The following NAA16 variants were observed in gnomAD, a reference collection of about 807,000 sequenced individuals.
NAA16 encodes NARG1-like protein.
A neutral mutation model predicts 110.3 loss-of-function variants in NAA16; 97 were observed. That is an observed-to-expected ratio of 0.88 (90% CI 0.75 to 1.04). The LOEUF is 1.04. NAA16 is among the 50% of genes least tolerant of loss of function. The pLI is 0.00. For missense variants in NAA16, 1,017 were observed against 1,005.1 expected (o/e 1.01, Z -0.16); for synonymous variants, 372 against 330.6 (o/e 1.13, Z -1.36).
intron 8 of NAA16, among the ~76,000 whole-genome samples, chr13:41,336,162 TA>T (rs140758616): frequency 0.075 from 11,265 of 150,900 alleles, 1,372 homozygotes; most frequent in African/African-American, 0.26. Flanking sequence ...AAGTTCTATT[TA>T]AAAAAAAATT....
intron 14 of NAA16, among the ~76,000 whole-genome samples, chr13:41,367,963 C>G (rs757951156): frequency 1.3e-5 from 2 of 152,026 alleles, no homozygotes; most frequent in African/African-American, 2.4e-5. Context: ...TTTGGGAGGC[C>G]AAGGCAGGCA....
chr13:41,359,001 T>G (rs1208040004), intron 12 of NAA16, 39 bp downstream of exon 12: 1 of 1,504,072 alleles, frequency 6.6e-7, no homozygotes, highest in Non-Finnish European at 9.0e-7. Flanking sequence ...TTGTCTAAAT[T>G]AAGACAGTTT....
intron 3 of NAA16, among the ~76,000 whole-genome samples, chr13:41,320,193 A>G (rs2139377071): frequency 6.6e-6 from 1 of 152,156 alleles, no homozygotes; most frequent in East Asian, 1.9e-4. Flanking sequence ...GAAGTAGGTG[A>G]TAGTTACACA....
Position 41,331,299 on chromosome 13 carries a change from T to C in NAA16, c.837T>C (p.Ile279=). 2 of 1,609,666 alleles carry C rather than the reference T, an allele frequency of 1.2e-6. No individual in the cohort carries two copies. The highest frequency in any genetic ancestry group is 1.7e-6 in the Non-Finnish European group (2 of 1,177,320). The change falls in exon 8 of 20, where the codon ATT becomes ATC. Residue 279 remains isoleucine, a synonymous_variant. Coordinates refer to ENST00000379406, the MANE Select transcript of NAA16 (RefSeq NM_024561.5). ...GCACTTTAGAAGAGAGGCTTCAAAT[T>C]TATGAAGAAATTAGTAAGCAGCACC... The part of the protein sequence containing the change: ...QISTLEERLQ[I]YEEISKQHPK...
At chr13:41,331,864 C>T (rs1373640169) in intron 8 of NAA16, among the ~76,000 whole-genome samples, 4 of 152,070 alleles carry the variant, frequency 2.6e-5, no homozygotes, top group Non-Finnish European at 4.4e-5. Context: ...CTGACTTGAT[C>T]GTTACACGTT....
chr13:41,362,633 C>T (rs2043136073), intron 13 of NAA16: 1 of 1,102,264 alleles, frequency 9.1e-7, no homozygotes, highest in South Asian at 1.3e-5. Flanking sequence ...TATTTTATTG[C>T]TTGCTTTTAG....
In NAA16 at chr13:41,365,180, T is replaced by G. The variant is rs564093947; in HGVS notation, c.1540-2259T>G. Among the ~76,000 whole-genome samples, 5 of 152,270 alleles carry G rather than the reference T, an allele frequency of 3.3e-5. No homozygotes were observed. In the South Asian group the frequency reaches 6.2e-4, roughly 19 times the overall value. On this transcript the variant is annotated intron_variant, in intron 13 of 19. Transcript: ENST00000379406. ...TATCTGTTGGTGTTGTGTAGCATAT[T>G]TTTGTGTTTTACAAATTTAGAGACT...
At chr13:41,319,821 A>C (rs2041902545) in intron 3 of NAA16, among the ~76,000 whole-genome samples, 1 of 152,134 alleles carries the variant, frequency 6.6e-6, no homozygotes, top group African/African-American at 2.4e-5. Context: ...CTGGCCAAAA[A>C]AAAATTTTTT....
intron 9 of NAA16, among the ~76,000 whole-genome samples, chr13:41,344,841 T>A (rs2042639810): frequency 6.6e-6 from 1 of 152,220 alleles, no homozygotes; most frequent in South Asian, 2.1e-4. Context: ...TAATGTTTTG[T>A]CATCCCCCAA....
At chr13:41,362,856 C>T in intron 13 of NAA16, 1 of 1,283,346 alleles carries the variant, frequency 7.8e-7, no homozygotes, top group East Asian at 5.6e-5. Flanking sequence ...AGTATAGAAC[C>T]ACAGGCATCG....
rs373163496 is a variant in NAA16, at chr13:41,373,762, C to T, written c.2281C>T (p.Leu761Phe). Reference sequence around the variant, plus strand: ...TTTTCTGAAACGTAACGCTACCTCTCTTCAGCATCTACTTTCAGGTTTGTT... The same window carrying T: ...TTTTCTGAAACGTAACGCTACCTCTTTTCAGCATCTACTTTCAGGTTTGTT... ...EDFLKRNATS[L>F]QHLLSGAKMM... Residue 761 changes from leucine (L) to phenylalanine (F), a missense_variant, in exon 18 of 20, where the codon CTT (leucine) becomes TTT (phenylalanine). Coordinates refer to ENST00000379406, the MANE Select transcript of NAA16 (RefSeq NM_024561.5). 2.6e-5 allele frequency: 41 copies of T among 1,601,238 alleles called. No individual in the cohort carries two copies. Among genetic ancestry groups the T allele is most frequent in the Non-Finnish European group, 3.5e-5 (41 of 1,176,204 alleles).
rs749834347 is a variant in NAA16 at position 41,362,108 on chromosome 13, G to C, written c.1488G>C (p.Gln496His). ...WFQTECISAY[Q>H]RLGRYGDALK... Reference sequence around the variant, plus strand: ...AGACAGAATGCATTTCAGCTTATCAGCGTCTGGGGAGATACGGGGATGCCT... The same window carrying C: ...AGACAGAATGCATTTCAGCTTATCACCGTCTGGGGAGATACGGGGATGCCT... Residue 496 changes from glutamine (Q) to histidine (H), a missense_variant, in exon 13 of 20, where the codon CAG (glutamine) becomes CAC (histidine). By Grantham distance (24) the Gln-to-His change is conservative. Coordinates refer to ENST00000379406, the MANE Select transcript of NAA16 (RefSeq NM_024561.5). 1 of 1,609,148 alleles carries C rather than the reference G, an allele frequency of 6.2e-7. No individual in the cohort carries two copies. The highest frequency in any genetic ancestry group is 2.2e-5 in the East Asian group (1 of 44,526).
chr13:41,361,418 G>A (rs930168831), intron 12 of NAA16, among the ~76,000 whole-genome samples: 2 of 152,206 alleles, frequency 1.3e-5, no homozygotes, highest in African/African-American at 4.8e-5. Context: ...CAGTGACCCC[G>A]AGTCAGCAAG....
chr13:41,375,361 C>G (rs778892857), intron 19 of NAA16, 44 bp from the exon 20 acceptor site: 3 of 1,436,414 alleles, frequency 2.1e-6, no homozygotes, highest in Non-Finnish European at 2.9e-6. Context: ...TAACTGCGAG[C>G]TTATTATTTT....
chr13:41,370,046 C>G (rs1287811476), intron 15 of NAA16, among the ~76,000 whole-genome samples: 2 of 152,096 alleles, frequency 1.3e-5, no homozygotes, highest in Non-Finnish European at 2.9e-5. Context: ...GAGATAGCAC[C>G]TCCAGGATTT....
intron 13 of NAA16, among the ~76,000 whole-genome samples, chr13:41,366,461 A>G (rs9566755): frequency 0.093 from 14,184 of 152,272 alleles, 789 homozygotes; most frequent in East Asian, 0.23. Flanking sequence ...AGAAAAACTA[A>G]CGTATGAAAA....
chr13:41,355,674 C>T (rs1452952204), intron 10 of NAA16, among the ~76,000 whole-genome samples: 4 of 152,132 alleles, frequency 2.6e-5, no homozygotes, highest in Admixed American at 6.5e-5. Flanking sequence ...GTGATCCACC[C>T]GCCTCAGCCT....
At position 41,325,841 on chromosome 13, in the gene NAA16, AG is replaced by A. The variant is rs1200760930; in HGVS notation, c.682del (p.Glu228LysfsTer8). The stretch of plus-strand genomic sequence containing the variant: ...AAATATGTGATAAACTTTTGGTGGA[AG>A]AAATTAAAGGTAAGTTGGCTTGCCT... ...KQICDKLLVE[E>X]IKGEILLKLG... On this transcript the variant is annotated frameshift_variant, in exon 6 of 20. Coordinates refer to ENST00000379406, the MANE Select transcript of NAA16 (RefSeq NM_024561.5). LOFTEE classifies it high-confidence loss of function. 6.3e-7 allele frequency: 1 copy of A among 1,599,222 alleles called. No homozygotes were observed. The highest frequency in any genetic ancestry group is 2.2e-5 in the East Asian group (1 of 44,562).
At chr13:41,317,750 T>C (rs1050237102) in intron 2 of NAA16, among the ~76,000 whole-genome samples, 1 of 152,204 alleles carries the variant, frequency 6.6e-6, no homozygotes, top group African/African-American at 2.4e-5. Context: ...AAGTTCAATA[T>C]GTAAAACAGA....
Sources: allele counts gnomAD v4.1 joint callset (sites outside exome capture counted in the v4.1 genomes callset), GRCh38; gene constraint gnomAD v4.1.1; transcripts MANE v1.5; gene names NCBI Gene and HGNC (gene_info 2026-07-23, HGNC 2026-07-21).